The following COMMD1 variants were observed in gnomAD, a reference collection of about 807,000 sequenced individuals.
COMMD1 encodes the protein copper metabolism domain containing 1.
A neutral mutation model predicts 17.2 loss-of-function variants in COMMD1; 10 were observed. That is an observed-to-expected ratio of 0.58 (90% CI 0.36 to 0.99). The LOEUF (loss-of-function observed/expected upper bound fraction) is 0.99. COMMD1 is among the 50% of genes least tolerant of loss of function. COMMD1 has a pLI of 0.01. For synonymous variants in COMMD1, 97 were observed against 91.6 expected (o/e 1.06, Z -0.34); for missense variants, 270 against 231.8 (o/e 1.17, Z -1.07).
intron 2 of COMMD1, among the ~76,000 whole-genome samples, chr2:62,036,541 A>G (rs148401936): frequency 1.3e-5 from 2 of 152,344 alleles, no homozygotes; most frequent in East Asian, 3.9e-4. Context: ...CAGCTAATGT[A>G]TTGGATGGTA....
At chr2:62,100,390 G>A (rs912681857) in intron 2 of COMMD1, 11 of 152,206 alleles carry the variant, frequency 7.2e-5, no homozygotes, top group Non-Finnish European at 1.5e-4. Context: ...GAGTGACCGT[G>A]GCCCGTGGCA....
intron 2 of COMMD1, among the ~76,000 whole-genome samples, chr2:62,014,777 G>C (rs1469197287): frequency 1.3e-5 from 2 of 151,648 alleles, no homozygotes; most frequent in East Asian, 3.9e-4. Flanking sequence ...GGCTTGGCCA[G>C]TATGGTCTTG....
chr2:61,889,804 C>G (rs1004719339), intron 1 of COMMD1, among the ~76,000 whole-genome samples: 4 of 152,116 alleles, frequency 2.6e-5, no homozygotes, highest in Non-Finnish European at 4.4e-5. Flanking sequence ...CATGACGTAG[C>G]CACTGACTCT....
At chr2:61,897,610 G>A (rs568162461) in intron 1 of COMMD1, among the ~76,000 whole-genome samples, 11 of 152,256 alleles carry the variant, frequency 7.2e-5, no homozygotes, top group Middle Eastern at 3.4e-3. Flanking sequence ...TTAGCTGGGC[G>A]TGGTGGTGCA....
chr2:62,031,591 G>T (rs1406915280), intron 2 of COMMD1, among the ~76,000 whole-genome samples: 1 of 152,182 alleles, frequency 6.6e-6, no homozygotes, highest in Non-Finnish European at 1.5e-5. Flanking sequence ...AAACTGAGGA[G>T]CCAGGGTATC....
At chr2:61,996,246 C>T (rs1668751026) in intron 1 of COMMD1, among the ~76,000 whole-genome samples, 1 of 151,816 alleles carries the variant, frequency 6.6e-6, no homozygotes, top group South Asian at 2.1e-4. Context: ...ATTACCTGAG[C>T]CTTCATCTAG....
At chr2:61,929,806 C>T (rs1670417433) in intron 1 of COMMD1, among the ~76,000 whole-genome samples, 1 of 152,046 alleles carries the variant, frequency 6.6e-6, no homozygotes, top group Non-Finnish European at 1.5e-5. Context: ...TGTCTGTAGT[C>T]CCAGCTTTTC....
intron 2 of COMMD1, among the ~76,000 whole-genome samples, chr2:62,127,486 G>T (rs1005540505): frequency 1.3e-5 from 2 of 152,058 alleles, no homozygotes; most frequent in African/African-American, 4.8e-5. Context: ...ATACTACAAG[G>T]CCACAATAAC....
chr2:62,135,902 A>G lies in COMMD1; in HGVS notation c.534A>G (p.Val178=). ...VNQILKTLSE[V]EESISTLISQ... ...AAATTCTGAAGACGCTGTCAGAGGTAGAAGAAAGTATCAGCACACTGATCA... is the reference window on the plus strand; with the variant it reads ...AAATTCTGAAGACGCTGTCAGAGGTGGAAGAAAGTATCAGCACACTGATCA... Residue 178 remains valine, a synonymous_variant, in exon 3 of 3, where the codon GTA becomes GTG. Transcript: ENST00000311832. The G allele has an allele frequency of 2.5e-6, 4 of 1,603,298 alleles. No homozygotes were observed. The highest frequency in any genetic ancestry group is 3.4e-6 in the Non-Finnish European group (4 of 1,170,106).
At chr2:62,104,898 G>T (rs1424087033) in intron 2 of COMMD1, among the ~76,000 whole-genome samples, 1 of 151,770 alleles carries the variant, frequency 6.6e-6, no homozygotes, top group African/African-American at 2.4e-5. Context: ...GGCCGAGGTG[G>T]GTGGATCACC....
intron 2 of COMMD1, among the ~76,000 whole-genome samples, chr2:62,040,113 C>A (rs1192794612): frequency 4.6e-5 from 7 of 152,060 alleles, no homozygotes; most frequent in Admixed American, 2.6e-4. Flanking sequence ...ATTAGCTGGG[C>A]ATGGTGGCAT....
intron 1 of COMMD1, among the ~76,000 whole-genome samples, chr2:61,911,575 C>T (rs1669909516): frequency 6.6e-6 from 1 of 152,160 alleles, no homozygotes; most frequent in African/African-American, 2.4e-5. Context: ...CACGAGTGAT[C>T]CTCCTGCCTC....
At chr2:61,959,812 G>T (rs1274697308) in intron 1 of COMMD1, among the ~76,000 whole-genome samples, 1 of 152,230 alleles carries the variant, frequency 6.6e-6, no homozygotes, top group Non-Finnish European at 1.5e-5. Flanking sequence ...ACTCAAAGCT[G>T]TCCAGCCACG....
chr2:61,902,318 C>A (rs889839791), upstream of COMMD1, among the ~76,000 whole-genome samples: 1 of 151,366 alleles, frequency 6.6e-6, no homozygotes, highest in African/African-American at 2.4e-5. Flanking sequence ...CCAGCGTGCC[C>A]AAGATGGTGA....
At chr2:61,903,308 G>A (rs146102555), upstream of COMMD1, among the ~76,000 whole-genome samples, 8 of 151,982 alleles carry the variant, frequency 5.3e-5, no homozygotes, top group African/African-American at 1.9e-4. Context: ...GCTGGGCGTG[G>A]TGGCGCATGC....
intron 2 of COMMD1, among the ~76,000 whole-genome samples, chr2:62,085,298 A>C (rs1251916854): frequency 6.6e-6 from 1 of 151,086 alleles, no homozygotes; most frequent in African/African-American, 2.4e-5. Flanking sequence ...GCTCACTGTA[A>C]GCTCCACCTC....
chr2:62,023,226 C>CAA (rs531076642), intron 2 of COMMD1, among the ~76,000 whole-genome samples: 4 of 91,686 alleles, frequency 4.4e-5, no homozygotes, highest in East Asian at 3.1e-4. Context: ...AACTCTGTCT[C>CAA]AAAAAAAAAA....
At chr2:61,992,938 T>A (rs1454606537) in intron 1 of COMMD1, among the ~76,000 whole-genome samples, 2 of 152,228 alleles carry the variant, frequency 1.3e-5, no homozygotes, top group African/African-American at 2.4e-5. Context: ...TTGTTTAATA[T>A]AAGGATACTT....
chr2:61,890,393 A>G (rs939971461), intron 1 of COMMD1, among the ~76,000 whole-genome samples: 11 of 151,914 alleles, frequency 7.2e-5, no homozygotes, highest in African/African-American at 2.2e-4. Context: ...CTAATTTTGT[A>G]TTTTTAGTAG....
Sources: gnomAD v4.1 joint callset for allele counts (sites outside exome capture counted in the v4.1 genomes callset) on GRCh38, gnomAD v4.1.1 for gene constraint, MANE v1.5 for transcripts, NCBI Gene and HGNC (gene_info 2026-07-23, HGNC 2026-07-21) for gene names.